MACROD2: variants seen among roughly 807,000 people sequenced by gnomAD.
MACROD2 encodes ADP-ribose glycohydrolase MACROD2.
MACROD2 carries 36 observed loss-of-function variants against 70.4 expected under a neutral mutation model. The observed-to-expected ratio is 0.51, with a 90% CI of 0.39 to 0.68. MACROD2 has a LOEUF of 0.68. Ranked by LOEUF, MACROD2 falls within the 30% of genes least tolerant of loss-of-function variation. The pLI is 0.00. For missense variants in MACROD2, 496 were observed against 538.4 expected, an observed-to-expected ratio of 0.92 and a Z score of 0.78; for synonymous variants, 172 against 178.8, an observed-to-expected ratio of 0.96 and a Z score of 0.30.
chr20:15,471,695 A>AT (rs1051607220), intron 7 of MACROD2, among the ~76,000 whole-genome samples: 8 of 151,682 alleles, frequency 5.3e-5, no homozygotes, highest in South Asian at 2.1e-4. Context: ...TTTCCACCAC[A>AT]TTTTTTTTGT....
chr20:14,367,112 A>T (rs929065630), intron 3 of MACROD2, among the ~76,000 whole-genome samples: 6 of 152,168 alleles, frequency 3.9e-5, no homozygotes, highest in African/African-American at 1.4e-4. Context: ...AAAATCCTAA[A>T]TTTATAACAA....
intron 2 of MACROD2, among the ~76,000 whole-genome samples, chr20:14,033,761 C>A (rs1477321326): frequency 2.0e-5 from 3 of 151,942 alleles, no homozygotes; most frequent in Non-Finnish European, 4.4e-5. Flanking sequence ...AATCAAGCAC[C>A]CTAGTCTTGA....
At chr20:15,602,430 G>A (rs149616842) in intron 8 of MACROD2, among the ~76,000 whole-genome samples, 1 of 152,262 alleles carries the variant, frequency 6.6e-6, no homozygotes, top group Non-Finnish European at 1.5e-5. Flanking sequence ...CCGTCTAAGG[G>A]TGTTGATCTC....
At chr20:15,837,534 T>G (rs1345304573) in intron 8 of MACROD2, among the ~76,000 whole-genome samples, 1 of 152,150 alleles carries the variant, frequency 6.6e-6, no homozygotes, top group African/African-American at 2.4e-5. Context: ...GCTTGTCTGT[T>G]TTTTTGATCA....
At chr20:15,750,140 AC>A (rs2051246456) in intron 8 of MACROD2, among the ~76,000 whole-genome samples, 1 of 152,104 alleles carries the variant, frequency 6.6e-6, no homozygotes, top group South Asian at 2.1e-4. Flanking sequence ...AGGAACTTAA[AC>A]AATTCAAGAG....
intron 5 of MACROD2, among the ~76,000 whole-genome samples, chr20:15,149,841 G>T (rs965989310): frequency 6.6e-6 from 1 of 152,014 alleles, no homozygotes; most frequent in Admixed American, 6.5e-5. Flanking sequence ...AAAAGGGTTG[G>T]GATGAGTCAG....
chr20:15,353,130 G>T (rs1228811797), intron 6 of MACROD2, among the ~76,000 whole-genome samples: 1 of 150,950 alleles, frequency 6.6e-6, no homozygotes, highest in African/African-American at 2.4e-5. Flanking sequence ...AACCAAAACA[G>T]CATGGTACTG....
intron 6 of MACROD2, among the ~76,000 whole-genome samples, chr20:15,406,827 A>G (rs1370414071): frequency 6.6e-6 from 1 of 152,202 alleles, no homozygotes; most frequent in Admixed American, 6.5e-5. Flanking sequence ...AAACTCATTA[A>G]GTACCCTGGC....
At chr20:15,746,681 T>C (rs1475407289) in intron 8 of MACROD2, among the ~76,000 whole-genome samples, 1 of 152,080 alleles carries the variant, frequency 6.6e-6, no homozygotes, top group Non-Finnish European at 1.5e-5. Flanking sequence ...CTAGGTTCCT[T>C]CTCTTCATAG....
At chr20:14,974,531 G>A (rs183186170) in intron 5 of MACROD2, among the ~76,000 whole-genome samples, 17 of 152,170 alleles carry the variant, frequency 1.1e-4, no homozygotes, top group African/African-American at 4.1e-4. Context: ...GCAGTATCTG[G>A]GCCTTAGTGG....
In MACROD2 at chr20:15,387,317, C is replaced by G. The variant is rs140230498; in HGVS notation, c.541-44088C>G. On this transcript the variant is annotated intron_variant, in intron 6 of 17. Transcript: ENST00000684519. ...TAATCATATATTCTACTTTCTTCCCCTTGCCTTCCATTTCTCCCTTCCTTC... is the reference window on the plus strand; with the variant it reads ...TAATCATATATTCTACTTTCTTCCCGTTGCCTTCCATTTCTCCCTTCCTTC... 3.3e-3 allele frequency among the ~76,000 whole-genome samples: 499 copies of G among 151,802 alleles called. 2 individuals carry two copies. Among genetic ancestry groups the G allele is most frequent in the African/African-American group, 0.012 (476 of 41,378 alleles).
At chr20:14,453,938 T>A (rs1380413104) in intron 3 of MACROD2, among the ~76,000 whole-genome samples, 1 of 151,882 alleles carries the variant, frequency 6.6e-6, no homozygotes, top group Admixed American at 6.6e-5. Context: ...ATACCTTAAT[T>A]TATTTAACCA....
intron 15 of MACROD2, among the ~76,000 whole-genome samples, chr20:16,006,680 C>T (rs2066792956): frequency 6.6e-6 from 1 of 152,124 alleles, no homozygotes; most frequent in African/African-American, 2.4e-5. Context: ...CAGGCTCTCC[C>T]TCGAATTGGG....
chr20:15,792,382 C>G (rs79759976), intron 8 of MACROD2, among the ~76,000 whole-genome samples: 4,522 of 151,830 alleles, frequency 0.03, 325 homozygotes, highest in East Asian at 0.29. Flanking sequence ...AAAGTTACAA[C>G]CAACTAAAAA....
In MACROD2 at chr20:14,478,374, G is replaced by C. The variant is rs188015603; in HGVS notation, c.272-15105G>C. On this transcript the variant is annotated intron_variant, in intron 3 of 17. Transcript: ENST00000684519. ...GCTGTTTTCTGCTGAGGTAATTCTT[G>C]AAGGGGCTGCCAGCTAAGGACTATC... Among the ~76,000 whole-genome samples, 5 of 152,300 alleles carry C rather than the reference G, an allele frequency of 3.3e-5. No homozygotes were observed. In the East Asian group the frequency reaches 7.7e-4, roughly 24 times the overall value.
intron 8 of MACROD2, among the ~76,000 whole-genome samples, chr20:15,572,045 A>G (rs1164231337): frequency 6.6e-6 from 1 of 152,136 alleles, no homozygotes; most frequent in African/African-American, 2.4e-5. Flanking sequence ...TGTGTTCTTC[A>G]CAGTATTGAA....
At chr20:14,991,580 A>T (rs112027724) in intron 5 of MACROD2, among the ~76,000 whole-genome samples, 2 of 152,138 alleles carry the variant, frequency 1.3e-5, no homozygotes, top group Non-Finnish European at 2.9e-5. Context: ...TATGATAAGG[A>T]CCAAGTTACT....
intron 8 of MACROD2, among the ~76,000 whole-genome samples, chr20:15,586,233 A>T (rs2048599704): frequency 6.6e-6 from 1 of 152,122 alleles, no homozygotes; most frequent in Non-Finnish European, 1.5e-5. Flanking sequence ...CTGGACCACT[A>T]CTTCACCCCC....
chr20:15,342,228 G>C (rs746504908), intron 6 of MACROD2, among the ~76,000 whole-genome samples: 1 of 152,100 alleles, frequency 6.6e-6, no homozygotes, highest in African/African-American at 2.4e-5. Flanking sequence ...TGAGACACAT[G>C]TTTTCTGCAG....
Sources: gnomAD v4.1 joint callset for allele counts (sites outside exome capture counted in the v4.1 genomes callset) on GRCh38, gnomAD v4.1.1 for gene constraint, MANE v1.5 for transcripts, NCBI Gene and HGNC (gene_info 2026-07-23, HGNC 2026-07-21) for gene names.